WDFY3: variants seen among roughly 807,000 people sequenced by gnomAD.
WDFY3 encodes the protein WD repeat and FYVE domain containing 3.
In WDFY3, 66 loss-of-function variants were observed where a neutral mutation model predicts 409.6. The ratio of observed to expected loss-of-function variants is 0.16; its 90% CI spans 0.13 to 0.20. The LOEUF (loss-of-function observed/expected upper bound fraction) is 0.20, where lower values mean the gene tolerates loss of function less well. WDFY3 is among the 10% of genes least tolerant of loss of function. The pLI, the probability that WDFY3 is intolerant of heterozygous loss-of-function variation, is 1.00. For missense variants in WDFY3, 3,031 were observed against 4,298.1 expected, an observed-to-expected ratio of 0.71 and a Z score of 8.24; for synonymous variants, 1,521 against 1,537.1, an observed-to-expected ratio of 0.99 and a Z score of 0.25.
chr4:84,725,204 G>C (rs1578260181), intron 45 of WDFY3, among the ~76,000 whole-genome samples: 1 of 152,148 alleles, frequency 6.6e-6, no homozygotes, highest in African/African-American at 2.4e-5. Flanking sequence ...TGACACTCTG[G>C]TTAGCTTGCC....
intron 15 of WDFY3, 142 bp downstream of exon 15, chr4:84,808,190 CAA>C (rs1331942591): frequency 1.5e-6 from 1 of 657,278 alleles, no homozygotes; most frequent in East Asian, 2.8e-5. Context: ...AAACACCCCC[CAA>C]AACCCCAAAA....
rs150280976 is a variant in WDFY3 at position 84,872,735 on chromosome 4, A to G, written c.-31-12113T>C. On this transcript the variant is annotated intron_variant, in intron 3 of 67. Transcript: ENST00000295888. ...CCATAGACAATATAGTATCTATATG[A>G]ATGTAACTTTAAACATAAATAATCA... Among the ~76,000 whole-genome samples, 939 of 152,306 alleles carry G rather than the reference A, an allele frequency of 6.2e-3. 11 individuals are homozygous for G. Among genetic ancestry groups the G allele is most frequent in the African/African-American group, 0.022 (904 of 41,564 alleles).
At chr4:84,883,113 G>A (rs527922444) in intron 3 of WDFY3, among the ~76,000 whole-genome samples, 2 of 152,230 alleles carry the variant, frequency 1.3e-5, no homozygotes, top group South Asian at 4.1e-4. Context: ...GAAGAGTGGA[G>A]GGGTAGACGA....
intron 4 of WDFY3, among the ~76,000 whole-genome samples, chr4:84,850,795 T>C (rs1758808411): frequency 6.6e-6 from 1 of 151,992 alleles, no homozygotes; most frequent in Non-Finnish European, 1.5e-5. Flanking sequence ...CACAATAATT[T>C]ACAAAACAAG....
At chr4:84,930,449 T>C (rs1308674739) in intron 2 of WDFY3, among the ~76,000 whole-genome samples, 1 of 152,152 alleles carries the variant, frequency 6.6e-6, no homozygotes, top group Non-Finnish European at 1.5e-5. Flanking sequence ...GCTACCACTA[T>C]CATCCACTCC....
At chr4:84,692,112 A>G (rs1302824380) in intron 59 of WDFY3, among the ~76,000 whole-genome samples, 2 of 152,208 alleles carry the variant, frequency 1.3e-5, no homozygotes, top group African/African-American at 4.8e-5. Flanking sequence ...ATAGGGACAC[A>G]GATTATCAAC....
intron 13 of WDFY3, among the ~76,000 whole-genome samples, chr4:84,811,005 C>G (rs1752400397): frequency 6.6e-6 from 1 of 151,752 alleles, no homozygotes; most frequent in South Asian, 2.1e-4. Context: ...GATTTTTTTT[C>G]TTTTAAAACA....
At chr4:84,764,906 T>A (rs1282221267) in intron 32 of WDFY3, among the ~76,000 whole-genome samples, 3 of 152,076 alleles carry the variant, frequency 2.0e-5, no homozygotes, top group Non-Finnish European at 2.9e-5. Flanking sequence ...TAATTTGCTT[T>A]CATGTTTAAA....
intron 2 of WDFY3, among the ~76,000 whole-genome samples, chr4:84,930,491 G>A (rs1770621734): frequency 6.6e-6 from 1 of 152,114 alleles, no homozygotes; most frequent in African/African-American, 2.4e-5. Context: ...ATGTCCAGAA[G>A]TAAAGGTCAC....
At position 84,766,130 on chromosome 4, in the gene WDFY3, A is replaced by T. The variant is rs1244235424; in HGVS notation, c.4971-103T>A. 6.7e-6 allele frequency: 10 copies of T among 1,484,630 alleles called. No homozygotes were observed. In the East Asian group the frequency reaches 2.0e-4, roughly 30 times the overall value. 92.0% of individuals were successfully genotyped at this position (1,484,630 alleles called of 1,614,324 possible). On this transcript the variant is annotated intron_variant, in intron 31 of 67. Coordinates refer to ENST00000295888, the MANE Select transcript of WDFY3 (RefSeq NM_014991.6). Reference sequence around the variant, plus strand: ...AAGAAGACTGAGTTTCATTCTGGAGATACTATAAATTTCAGGGTTAAAAAA... The same window carrying T: ...AAGAAGACTGAGTTTCATTCTGGAGTTACTATAAATTTCAGGGTTAAAAAA...
intron 67 of WDFY3, among the ~76,000 whole-genome samples, chr4:84,674,354 G>A (rs1725903516): frequency 1.3e-5 from 2 of 152,082 alleles, no homozygotes; most frequent in African/African-American, 4.8e-5. Flanking sequence ...GGTACTGCTT[G>A]AGCCCGCGGC....
intron 2 of WDFY3, among the ~76,000 whole-genome samples, chr4:84,923,345 C>T (rs1462643349): frequency 2.0e-5 from 3 of 152,154 alleles, no homozygotes; most frequent in Non-Finnish European, 4.4e-5. Flanking sequence ...CTTAACATCC[C>T]AACCACTTCT....
intron 3 of WDFY3, among the ~76,000 whole-genome samples, chr4:84,869,476 ACT>A (rs1028275055): frequency 2.0e-5 from 3 of 152,078 alleles, no homozygotes; most frequent in Non-Finnish European, 4.4e-5. Flanking sequence ...TACAGAGAAA[ACT>A]CTATAATTCT....
intron 64 of WDFY3, among the ~76,000 whole-genome samples, chr4:84,680,299 T>C (rs1000451139): frequency 3.2e-4 from 48 of 151,174 alleles, no homozygotes; most frequent in African/African-American, 1.1e-3. Flanking sequence ...TTTATGTATT[T>C]ATTTTTACAT....
intron 33 of WDFY3, among the ~76,000 whole-genome samples, chr4:84,755,888 T>C (rs1741354758): frequency 6.6e-6 from 1 of 152,220 alleles, no homozygotes. Flanking sequence ...TATGGCACCA[T>C]GGATATTGAA....
intron 3 of WDFY3, among the ~76,000 whole-genome samples, chr4:84,861,452 T>C (rs1033836374): frequency 6.6e-6 from 1 of 152,174 alleles, no homozygotes. Context: ...GTGTATCTTA[T>C]AGATTAAAAT....
intron 58 of WDFY3, 117 bp from the exon 59 acceptor site, chr4:84,693,149 T>C: frequency 9.2e-7 from 1 of 1,088,710 alleles, no homozygotes; most frequent in Non-Finnish European, 1.3e-6. Flanking sequence ...TTAGGTACTA[T>C]ATTATCCTCA....
rs376905233 is a variant in WDFY3, at chr4:84,678,141, C to T, written c.10259+27G>A. 91 of 1,574,900 alleles carry T rather than the reference C, an allele frequency of 5.8e-5. No individual in the cohort carries two copies. The Middle Eastern group carries it at 6.8e-4, about 12-fold the overall frequency. On this transcript the variant is annotated intron_variant, in intron 66 of 67. Coordinates refer to ENST00000295888, the MANE Select transcript of WDFY3 (RefSeq NM_014991.6). ...CTAACCAAATGACTCAGATGGGAAG[C>T]GGAGCTGGAAAAAGCCTGACACTTA...
chr4:84,868,919 T>C (rs993077777), intron 3 of WDFY3, among the ~76,000 whole-genome samples: 1 of 152,204 alleles, frequency 6.6e-6, no homozygotes, highest in African/African-American at 2.4e-5. Context: ...TCCCCAGCAT[T>C]CTCCGAGTTT....
Sources: allele counts gnomAD v4.1 joint callset (sites outside exome capture counted in the v4.1 genomes callset), GRCh38; gene constraint gnomAD v4.1.1; transcripts MANE v1.5; gene names NCBI Gene and HGNC (gene_info 2026-07-23, HGNC 2026-07-21).